GRID1: variants seen among roughly 807,000 people sequenced by gnomAD.
GRID1 encodes glutamate ionotropic receptor delta type subunit 1, also known as glutamate receptor ionotropic, delta-1.
Under a neutral mutation model 98.0 loss-of-function variants are expected in GRID1, and 28 were observed. The ratio of observed to expected loss-of-function variants is 0.29; its 90% CI spans 0.21 to 0.39. The LOEUF (loss-of-function observed/expected upper bound fraction) is 0.39. Ranked by LOEUF, GRID1 falls within the 10% of genes least tolerant of loss-of-function variation. The probability of loss-of-function intolerance (pLI) is 1.00; values close to 1 mark genes in which losing one functional copy is unlikely to be tolerated. For synonymous variants in GRID1, 553 were observed against 538.5 expected, an observed-to-expected ratio of 1.03 and a Z score of -0.37; for missense variants, 1,111 against 1,340.5, an observed-to-expected ratio of 0.83 and a Z score of 2.67.
Position 85,619,831 on chromosome 10 carries a change from T to C in GRID1, c.2360+36A>G, listed in dbSNP as rs556208159. 1.1e-5 allele frequency: 17 copies of C among 1,561,474 alleles called. No homozygotes were observed. The African/African-American group carries it at 2.0e-4, about 19-fold the overall frequency. On this transcript the variant is annotated intron_variant, in intron 14 of 15. Transcript: ENST00000327946. ...CTCCTACCCTTGACCACTAGAGTCC[T>C]GAGGCAGCGGTAGTTACCTTGCTGC...
intron 3 of GRID1, among the ~76,000 whole-genome samples, chr10:86,171,976 AT>A (rs1845495427): frequency 6.6e-6 from 1 of 152,142 alleles, no homozygotes; most frequent in Non-Finnish European, 1.5e-5. Context: ...TGGTTGGTAT[AT>A]TTTTTTCAAG....
chr10:86,366,367 A>G lies in GRID1; in HGVS notation c.26T>C (p.Leu9Pro). Residue 9 changes from leucine (L) to proline (P), a missense_variant, in exon 1 of 16, where the codon CTC (leucine) becomes CCC (proline). This residue lies in a region of GRID1 where 346 missense variants were observed against 452.3 expected (regional missense o/e 0.76). Coordinates refer to ENST00000327946, the MANE Select transcript of GRID1 (RefSeq NM_017551.3). This position sits in a 1 kb window ranked among gnomAD's most constrained non-coding sequence, Gnocchi z 4.1. MEALTLWL[L>P]PWICQCVSVR... The stretch of plus-strand genomic sequence containing the variant: ...CGACACGCACTGGCATATCCAGGGG[A>G]GAAGCCACAGCGTCAGCGCTTCCAT... 6.6e-7 allele frequency: 1 copy of G among 1,517,756 alleles called. No homozygotes were observed. The highest frequency in any genetic ancestry group is 1.2e-5 in the South Asian group (1 of 81,780). The allele number at this position is 1,517,756 out of a possible 1,614,324, so 94.0% of individuals were successfully genotyped here.
At chr10:86,299,180 T>C (rs1178910347) in intron 2 of GRID1, among the ~76,000 whole-genome samples, 1 of 146,328 alleles carries the variant, frequency 6.8e-6, no homozygotes, top group African/African-American at 2.6e-5. Context: ...TAGCTTTCCA[T>C]GTGGGCAATA....
Position 85,815,999 on chromosome 10 carries a change from A to G in GRID1, c.1233+38497T>C, listed in dbSNP as rs939595017. Among the ~76,000 whole-genome samples the G allele has an allele frequency of 6.6e-5, 10 of 152,190 alleles. No individual in the cohort carries two copies. The East Asian group carries it at 1.5e-3, about 23-fold the overall frequency. On this transcript the variant is annotated intron_variant, in intron 8 of 15. Transcript: ENST00000327946. ...AGAATGGCTAAATTTAAAAAAATATATATTATGATAATAAATTGGCAGCAC... is the reference window on the plus strand; with the variant it reads ...AGAATGGCTAAATTTAAAAAAATATGTATTATGATAATAAATTGGCAGCAC...
intron 4 of GRID1, among the ~76,000 whole-genome samples, chr10:86,036,311 T>C (rs564948274): frequency 6.6e-6 from 1 of 152,326 alleles, no homozygotes; most frequent in East Asian, 1.9e-4. Flanking sequence ...TGGGTTTTCT[T>C]GGCTGGTTGC....
chr10:86,304,151 T>G (rs1847727766), intron 2 of GRID1, among the ~76,000 whole-genome samples: 1 of 152,228 alleles, frequency 6.6e-6, no homozygotes, highest in African/African-American at 2.4e-5. Context: ...TGCACTTCTC[T>G]GCACCTCCTA....
At chr10:86,363,652 A>C (rs11201997) in intron 2 of GRID1, among the ~76,000 whole-genome samples, 86,858 of 151,618 alleles carry the variant, frequency 0.57, 27,183 homozygotes, top group African/African-American at 0.82. Flanking sequence ...CTGCGCGGCC[A>C]GCGCTGGGCG....
At position 85,599,841 on chromosome 10, in the gene GRID1, C is replaced by T. The variant is rs1590151418; in HGVS notation, c.*2432G>A. 4.3e-5 allele frequency: 5 copies of T among 115,942 alleles called. No homozygotes were observed. In the Middle Eastern group the frequency reaches 0.025, roughly 573 times the overall value. The allele number at this position is 115,942 out of a possible 1,614,324, so 7.2% of individuals were successfully genotyped here. ...TATATAAACATGGTGAAGAATAACA[C>T]CATGAGGTGTTAAGGATTTTGTATA... On this transcript the variant is annotated 3_prime_UTR_variant, in exon 16 of 16. Coordinates refer to ENST00000327946, the MANE Select transcript of GRID1 (RefSeq NM_017551.3).
chr10:85,632,223 C>T (rs1040814348), intron 13 of GRID1, among the ~76,000 whole-genome samples: 1 of 152,200 alleles, frequency 6.6e-6, no homozygotes, highest in Admixed American at 6.5e-5. Context: ...CTGCCCTCCA[C>T]CCTTTTCCAC....
At chr10:85,878,409 A>G (rs920454328) in intron 5 of GRID1, among the ~76,000 whole-genome samples, 4 of 152,266 alleles carry the variant, frequency 2.6e-5, no homozygotes, top group Non-Finnish European at 4.4e-5. Flanking sequence ...CCATCAGACT[A>G]ACAGCAGATC....
At chr10:85,955,516 G>A (rs1040454361) in intron 4 of GRID1, among the ~76,000 whole-genome samples, 1 of 152,130 alleles carries the variant, frequency 6.6e-6, no homozygotes, top group Non-Finnish European at 1.5e-5. Flanking sequence ...GAAACAGCAG[G>A]ACCTGAGAAC....
chr10:86,342,085 C>T (rs1025005648), intron 2 of GRID1, among the ~76,000 whole-genome samples: 1 of 152,182 alleles, frequency 6.6e-6, no homozygotes, highest in African/African-American at 2.4e-5. Flanking sequence ...TTCCGGGCCT[C>T]ATCCACCTCT....
At chr10:86,229,663 C>T (rs1159420312) in intron 2 of GRID1, among the ~76,000 whole-genome samples, 1 of 152,172 alleles carries the variant, frequency 6.6e-6, no homozygotes, top group Non-Finnish European at 1.5e-5. Context: ...TGTCATAGCC[C>T]AGCACTGCCT....
chr10:85,915,589 C>T (rs1841606378), intron 5 of GRID1, among the ~76,000 whole-genome samples: 1 of 151,954 alleles, frequency 6.6e-6, no homozygotes, highest in Admixed American at 6.6e-5. Context: ...CACATCCACA[C>T]ACATATACAC....
intron 4 of GRID1, among the ~76,000 whole-genome samples, chr10:85,951,461 G>C (rs1450636018): frequency 6.6e-6 from 1 of 151,960 alleles, no homozygotes; most frequent in Non-Finnish European, 1.5e-5. Flanking sequence ...GTTTAATTGG[G>C]GTTTCTTTCA....
chr10:86,251,306 A>G (rs1307061682), intron 2 of GRID1, among the ~76,000 whole-genome samples: 3 of 151,626 alleles, frequency 2.0e-5, no homozygotes, highest in Admixed American at 2.0e-4. Context: ...TGACCCTGCC[A>G]AATCCCCCTC....
At chr10:86,179,783 G>A (rs1422600956) in intron 3 of GRID1, among the ~76,000 whole-genome samples, 1 of 152,148 alleles carries the variant, frequency 6.6e-6, no homozygotes, top group Non-Finnish European at 1.5e-5. Context: ...TTCAATCCAG[G>A]GAGGTCTAAC....
At chr10:85,838,167 A>G (rs1023866950) in intron 8 of GRID1, among the ~76,000 whole-genome samples, 19 of 152,212 alleles carry the variant, frequency 1.2e-4, no homozygotes, top group African/African-American at 4.3e-4. Context: ...TTATGTAAAG[A>G]GACCAAACCT....
intron 3 of GRID1, among the ~76,000 whole-genome samples, chr10:86,177,624 AAG>A (rs2131998269): frequency 6.6e-6 from 1 of 151,206 alleles, no homozygotes; most frequent in African/African-American, 2.4e-5. Context: ...GACACAGAGA[AAG>A]AGACTTTAGC....
Sources: allele counts gnomAD v4.1 joint callset (sites outside exome capture counted in the v4.1 genomes callset), GRCh38; gene constraint gnomAD v4.1.1; regional missense constraint gnomAD v4.1.1; non-coding constraint Gnocchi (gnomAD v3.1); transcripts MANE v1.5; gene names NCBI Gene and HGNC (gene_info 2026-07-23, HGNC 2026-07-21).